EML1: variants seen among roughly 807,000 people sequenced by gnomAD.
The protein encoded by EML1 is echinoderm microtubule-associated protein-like 1.
A neutral mutation model predicts 110.4 loss-of-function variants in EML1; 27 were observed. The observed-to-expected ratio is 0.24, with a 90% confidence interval of 0.18 to 0.34. EML1 has a LOEUF of 0.34. EML1 is among the 10% of genes least tolerant of loss of function. The pLI is 1.00. For synonymous variants in EML1, 344 were observed against 385.8 expected, an observed-to-expected ratio of 0.89 and a Z score of 1.27; for missense variants, 741 against 1,030.9, an observed-to-expected ratio of 0.72 and a Z score of 3.85.
upstream of EML1, among the ~76,000 whole-genome samples, chr14:99,770,779 ATTTTTTTTT>A (rs34744469): frequency 9.7e-3 from 888 of 91,664 alleles, 37 homozygotes; most frequent in African/African-American, 0.039. Context: ...GTTTCCGCTG[ATTTTTTTTT>A]TTTTTTTTTT....
intron 1 of EML1, among the ~76,000 whole-genome samples, chr14:99,780,673 A>T (rs1023073241): frequency 6.6e-6 from 1 of 152,152 alleles, no homozygotes; most frequent in Non-Finnish European, 1.5e-5. Flanking sequence ...TGCACGTATG[A>T]TGATGGTCCC....
chr14:99,739,115 A>AGG (rs1566843439), intron 1 of EML1, among the ~76,000 whole-genome samples: 19 of 85,636 alleles, frequency 2.2e-4, no homozygotes, highest in Admixed American at 1.1e-3. Flanking sequence ...AGAGAGAGAG[A>AGG]GAGAGTGTGT....
chr14:99,757,110 C>T (rs1010381737), intron 1 of EML1, among the ~76,000 whole-genome samples: 43 of 152,278 alleles, frequency 2.8e-4, no homozygotes, highest in Middle Eastern at 3.4e-3. Flanking sequence ...GAGGCCGAGG[C>T]GGGAGGATCA....
chr14:99,828,824 A>T (rs1566886313), intron 1 of EML1, among the ~76,000 whole-genome samples: 1 of 152,208 alleles, frequency 6.6e-6, no homozygotes, highest in Non-Finnish European at 1.5e-5. Context: ...TTATTAAGGA[A>T]ATCATAAGGA....
chr14:99,932,780 T>C (rs1441598529), intron 17 of EML1, among the ~76,000 whole-genome samples: 1 of 152,046 alleles, frequency 6.6e-6, no homozygotes, highest in African/African-American at 2.4e-5. Context: ...ATGACTTTTT[T>C]CCTTAAATAG....
intron 1 of EML1, among the ~76,000 whole-genome samples, chr14:99,809,008 T>C (rs995603861): frequency 6.6e-6 from 1 of 152,198 alleles, no homozygotes; most frequent in Non-Finnish European, 1.5e-5. Flanking sequence ...CACATCTCGA[T>C]CCTAGGTCTC....
At chr14:99,923,485 A>AG (rs1168883031) in intron 17 of EML1, among the ~76,000 whole-genome samples, 1 of 61,896 alleles carries the variant, frequency 1.6e-5, no homozygotes, top group African/African-American at 3.7e-4. Context: ...GATGGTGAGA[A>AG]GGAAGAGCCT....
chr14:99,833,019 A>G (rs2058485480), intron 1 of EML1, among the ~76,000 whole-genome samples: 1 of 152,184 alleles, frequency 6.6e-6, no homozygotes, highest in Non-Finnish European at 1.5e-5. Context: ...ATAGTACTCA[A>G]TAAGTTTTGT....
At chr14:99,770,102 G>A (rs920151243), upstream of EML1, among the ~76,000 whole-genome samples, 1 of 152,150 alleles carries the variant, frequency 6.6e-6, no homozygotes, top group African/African-American at 2.4e-5. Context: ...TAAGATAGTG[G>A]AATGACCCTC....
intron 17 of EML1, among the ~76,000 whole-genome samples, chr14:99,932,992 T>A (rs2060400426): frequency 6.6e-6 from 1 of 151,872 alleles, no homozygotes; most frequent in African/African-American, 2.4e-5. Context: ...GTAGCGCACA[T>A]CTGTAGTCCC....
chr14:99,770,377 T>TTCTATCTATCTATCA (rs2057411753), upstream of EML1, among the ~76,000 whole-genome samples: 1 of 150,186 alleles, frequency 6.7e-6, no homozygotes, highest in Non-Finnish European at 1.5e-5. Context: ...AAAAATTTCT[T>TTCTATCTATCTATCA]TCTATCTATC....
intron 1 of EML1, among the ~76,000 whole-genome samples, chr14:99,801,484 G>A (rs1236931439): frequency 3.3e-5 from 5 of 152,172 alleles, no homozygotes; most frequent in East Asian, 1.9e-4. Context: ...GCGTGGTGGC[G>A]GGCGCCTGTA....
chr14:99,806,671 C>T (rs558418101), intron 1 of EML1, among the ~76,000 whole-genome samples: 5 of 152,198 alleles, frequency 3.3e-5, no homozygotes, highest in Admixed American at 3.3e-4. Flanking sequence ...AGAGCCAGTA[C>T]AAGACCACTC....
chr14:99,763,476 G>A (rs191365669), intron 1 of EML1, among the ~76,000 whole-genome samples: 124 of 152,258 alleles, frequency 8.1e-4, no homozygotes, highest in African/African-American at 2.8e-3. Context: ...ACCTTCACAA[G>A]GTGGGGCACT....
At chr14:99,791,531 C>A (rs373660932), upstream of EML1, among the ~76,000 whole-genome samples, 37 of 152,304 alleles carry the variant, frequency 2.4e-4, no homozygotes, top group South Asian at 7.5e-3. Context: ...AATCTCAATT[C>A]TTTCTCTCCA....
chr14:99,932,035 C>T (rs1163667592), intron 17 of EML1, among the ~76,000 whole-genome samples: 4 of 152,158 alleles, frequency 2.6e-5, no homozygotes, highest in East Asian at 1.9e-4. Flanking sequence ...TTCCACATCA[C>T]GCACTGGTGG....
At chr14:99,742,048 G>C (rs2057049290) in intron 1 of EML1, among the ~76,000 whole-genome samples, 1 of 152,044 alleles carries the variant, frequency 6.6e-6, no homozygotes, top group Non-Finnish European at 1.5e-5. Context: ...ACCTCAGAGA[G>C]GTTAAGTATT....
rs781228383 is a variant in EML1 at position 99,920,866 on chromosome 14, G to T, written c.1898G>T (p.Arg633Leu). The T allele has an allele frequency of 6.2e-7, 1 of 1,612,680 alleles. No homozygotes were observed. Among genetic ancestry groups the T allele is most frequent in the Non-Finnish European group, 8.5e-7 (1 of 1,179,638 alleles). Residue 633 changes from arginine (R) to leucine (L), a missense_variant, in exon 17 of 22, where the codon CGA becomes CTA. Arg to Leu is a moderately radical substitution (Grantham distance 102, BLOSUM62 -2). Transcript: ENST00000262233. Reference sequence around the variant, plus strand: ...GGAAACGAACAGCTCTCTGTAATGCGATACTCACCAGGTTAGACTCCAAAC... The same window carrying T: ...GGAAACGAACAGCTCTCTGTAATGCTATACTCACCAGGTTAGACTCCAAAC... ...TDGNEQLSVM[R>L]YSPDGNFLAI...
In EML1 at chr14:99,777,247, T is replaced by TAA. The variant is rs113028244; in HGVS notation, c.-27+3244_-27+3245dup. ...TTATCAGTTACAGACTGCACGTACT[T>TAA]AAAAAAAAAAATCAAGCAGTTCTAC... On this transcript the variant is annotated intron_variant, in intron 1 of 22. Transcript: ENST00000327921. 1.2e-3 allele frequency among the ~76,000 whole-genome samples: 185 copies of TAA among 148,768 alleles called. 3 individuals are homozygous for TAA. Among genetic ancestry groups the TAA allele is most frequent in the African/African-American group, 4.3e-3 (175 of 40,894 alleles).
Sources: allele counts gnomAD v4.1 joint callset (sites outside exome capture counted in the v4.1 genomes callset), GRCh38; gene constraint gnomAD v4.1.1; transcripts MANE v1.5; gene names NCBI Gene and HGNC (gene_info 2026-07-23, HGNC 2026-07-21).